Variants in PCNX2 observed in about 807,000 individuals in gnomAD.
PCNX2 encodes the protein pecanex-like protein 2.
Under a neutral mutation model 223.8 loss-of-function variants are expected in PCNX2, and 168 were observed. The ratio of observed to expected loss-of-function variants is 0.75; its 90% confidence interval spans 0.66 to 0.85. The LOEUF (loss-of-function observed/expected upper bound fraction) is 0.85, where lower values mean the gene tolerates loss of function less well. Ranked by LOEUF, PCNX2 falls within the 40% of genes least tolerant of loss-of-function variation. The pLI is 0.00. For missense variants in PCNX2, 2,507 were observed against 2,675.5 expected (o/e 0.94, Z 1.39); for synonymous variants, 1,006 against 1,052.6 (o/e 0.96, Z 0.86).
chr1:233,101,422 A>T (rs1401607529), intron 21 of PCNX2, among the ~76,000 whole-genome samples: 4 of 152,180 alleles, frequency 2.6e-5, no homozygotes, highest in Non-Finnish European at 4.4e-5. Context: ...TGTAAAGTAA[A>T]AAACATCTTC....
rs777463669 is a variant in PCNX2 at position 233,025,170 on chromosome 1, C to T, written c.4581G>A (p.Arg1527=). The T allele has an allele frequency of 1.9e-6, 3 of 1,613,826 alleles. No individual in the cohort carries two copies. The Admixed American group carries it at 5.0e-5, about 27-fold the overall frequency. The change falls in exon 26 of 34, where the codon AGG becomes AGA. Residue 1527 remains arginine, a synonymous_variant. Coordinates refer to ENST00000258229, the MANE Select transcript of PCNX2 (RefSeq NM_014801.4). ...CCTTGATGTAGTAGCGGATGAGGAT[C>T]CTTCGGAGGTCAAACACCTGCAGCA... ...ATMLQVFDLR[R]ILIRYYIKSI...
intron 19 of PCNX2, among the ~76,000 whole-genome samples, chr1:233,148,605 TTGGCCAGGC>T (rs1028409069): frequency 6.6e-6 from 1 of 152,072 alleles, no homozygotes; most frequent in African/African-American, 2.4e-5. Context: ...TTTCACCATA[TTGGCCAGGC>T]TGGCCTTGAG....
chr1:233,038,011 T>C (rs1408330581), intron 25 of PCNX2, among the ~76,000 whole-genome samples: 1 of 152,222 alleles, frequency 6.6e-6, no homozygotes, highest in Non-Finnish European at 1.5e-5. Context: ...CAGATGTAGT[T>C]TCCAGGGCAC....
chr1:233,148,652 T>C (rs1282408221), intron 19 of PCNX2, among the ~76,000 whole-genome samples: 1 of 152,150 alleles, frequency 6.6e-6, no homozygotes, highest in African/African-American at 2.4e-5. Context: ...TCCACCAACC[T>C]TGGCCTCCCA....
chr1:233,028,180 A>T (rs143454798), intron 25 of PCNX2, among the ~76,000 whole-genome samples: 57 of 152,328 alleles, frequency 3.7e-4, no homozygotes, highest in Non-Finnish European at 7.1e-4. Flanking sequence ...TGACTGTTTC[A>T]AATGCTCTTG....
intron 17 of PCNX2, among the ~76,000 whole-genome samples, chr1:233,175,834 G>A (rs1249029487): frequency 6.6e-6 from 1 of 152,050 alleles, no homozygotes; most frequent in Non-Finnish European, 1.5e-5. Context: ...TGATTCCCTT[G>A]TAGTGGAAAA....
chr1:233,248,889 T>C (rs1659286651), intron 8 of PCNX2, among the ~76,000 whole-genome samples: 1 of 152,136 alleles, frequency 6.6e-6, no homozygotes, highest in South Asian at 2.1e-4. Flanking sequence ...TCACCAAGGC[T>C]GAATGCACTG....
intron 27 of PCNX2, among the ~76,000 whole-genome samples, chr1:233,015,873 A>T (rs1302356903): frequency 6.6e-6 from 1 of 151,890 alleles, no homozygotes; most frequent in African/African-American, 2.4e-5. Context: ...TCTGTTTCTT[A>T]AAAAAAGTTG....
At chr1:233,284,194 A>G (rs1661331132) in intron 1 of PCNX2, among the ~76,000 whole-genome samples, 1 of 152,222 alleles carries the variant, frequency 6.6e-6, no homozygotes, top group African/African-American at 2.4e-5. Context: ...TAGGAACGAT[A>G]TATTAGACAA....
chr1:233,053,708 C>A (rs961592727), intron 25 of PCNX2, among the ~76,000 whole-genome samples: 2 of 152,082 alleles, frequency 1.3e-5, no homozygotes, highest in Non-Finnish European at 2.9e-5. Flanking sequence ...TCCTCATTTG[C>A]GGGAAAACTG....
chr1:233,222,241 A>G (rs1344180371), intron 10 of PCNX2, among the ~76,000 whole-genome samples: 1 of 152,152 alleles, frequency 6.6e-6, no homozygotes, highest in Admixed American at 6.5e-5. Context: ...GTCCACAGGG[A>G]TAGTGGGAGA....
At chr1:233,185,575 G>C (rs1014500202) in intron 15 of PCNX2, among the ~76,000 whole-genome samples, 9 of 152,144 alleles carry the variant, frequency 5.9e-5, no homozygotes, top group African/African-American at 2.2e-4. Flanking sequence ...AACAGTGTTT[G>C]GAAACCTATT....
chr1:233,129,405 G>C (rs933906626), intron 21 of PCNX2, among the ~76,000 whole-genome samples: 5 of 152,298 alleles, frequency 3.3e-5, no homozygotes, highest in African/African-American at 1.2e-4. Flanking sequence ...GCCCCGCCGC[G>C]GTGGGCTCCT....
chr1:233,299,257 T>C (rs911167974), upstream of PCNX2, among the ~76,000 whole-genome samples: 5 of 152,232 alleles, frequency 3.3e-5, no homozygotes, highest in African/African-American at 9.6e-5. Flanking sequence ...TGACCATGTC[T>C]TATCGATTTT....
intron 15 of PCNX2, among the ~76,000 whole-genome samples, chr1:233,198,487 T>A (rs926533250): frequency 6.6e-6 from 1 of 152,244 alleles, no homozygotes; most frequent in East Asian, 1.9e-4. Context: ...CATTTTCCCC[T>A]TCTGGGTAAG....
At chr1:233,138,565 T>C (rs2475158) in intron 20 of PCNX2, among the ~76,000 whole-genome samples, 97,489 of 152,094 alleles carry the variant, frequency 0.64, 33,273 homozygotes, top group African/African-American at 0.89. Context: ...AATCCCTGCC[T>C]TAGAGAAGCT....
chr1:233,198,904 C>A, intron 15 of PCNX2, 35 bp downstream of exon 15: 2 of 1,511,560 alleles, frequency 1.3e-6, no homozygotes, highest in Admixed American at 1.9e-5. Flanking sequence ...TTTAATGAAT[C>A]GAGAAGGATG....
At chr1:233,008,277 T>C (rs1296092525) in intron 28 of PCNX2, among the ~76,000 whole-genome samples, 3 of 152,180 alleles carry the variant, frequency 2.0e-5, no homozygotes, top group African/African-American at 7.2e-5. Context: ...GAACACTCGG[T>C]AAAGAACACG....
At chr1:233,028,508 T>C (rs1025821406) in intron 25 of PCNX2, among the ~76,000 whole-genome samples, 9 of 152,238 alleles carry the variant, frequency 5.9e-5, no homozygotes, top group African/African-American at 2.2e-4. Flanking sequence ...ACACCTCATC[T>C]TGAAGTCTGA....
Sources: allele counts gnomAD v4.1 joint callset (sites outside exome capture counted in the v4.1 genomes callset), GRCh38; gene constraint gnomAD v4.1.1; transcripts MANE v1.5; gene names NCBI Gene and HGNC (gene_info 2026-07-23, HGNC 2026-07-21).